The following ZNF75D variants were observed in gnomAD, a reference collection of about 807,000 sequenced individuals.
The protein encoded by ZNF75D is zinc finger protein 75.
ZNF75D carries 33 observed loss-of-function variants against 33.3 expected under a neutral mutation model. The observed-to-expected ratio is 0.99, with a 90% CI of 0.75 to 1.32. ZNF75D has a LOEUF of 1.32. ZNF75D is among the 40% of genes most tolerant of loss of function. The probability of loss-of-function intolerance (pLI) is 0.00; values close to 1 mark genes in which losing one functional copy is unlikely to be tolerated. For synonymous variants in ZNF75D, 113 were observed against 130.6 expected (o/e 0.87, Z 0.92); for missense variants, 338 against 367.5 (o/e 0.92, Z 0.66).
At chrX:135,334,059 A>G (rs191230366) in intron 1 of ZNF75D, among the ~76,000 whole-genome samples, 188 of 112,341 alleles carry the variant, frequency 1.7e-3, no homozygotes, top group African/African-American at 5.9e-3. Context: ...TGGACAGGAA[A>G]CAATTGGTCA....
Position 135,293,935 on chromosome X carries a change from T to C in ZNF75D, c.206A>G (p.Gln69Arg). Reference protein sequence around the residue: ...EATGPLETISQLQKLCHQWLR... With the variant: ...EATGPLETISRLQKLCHQWLR... Reference sequence around the variant, plus strand: ...CCACTGATGGCACAATTTCTGAAGTTGGCTGATAGTCTCAAGCGGTCCGGT... The same window carrying C: ...CCACTGATGGCACAATTTCTGAAGTCGGCTGATAGTCTCAAGCGGTCCGGT... The change falls in exon 3 of 7, where the codon CAA becomes CGA. Residue 69 changes from glutamine to arginine, a missense_variant. By Grantham distance (43) the Gln-to-Arg change is conservative. Transcript: ENST00000370766. 1.1e-5 allele frequency: 13 copies of C among 1,211,154 alleles called. No homozygotes were observed. The highest frequency in any genetic ancestry group is 1.5e-5 in the Non-Finnish European group (13 of 894,887).
At chrX:135,290,174 G>A (rs949415434) in intron 6 of ZNF75D, among the ~76,000 whole-genome samples, 2 of 111,779 alleles carry the variant, frequency 1.8e-5, no homozygotes, top group African/African-American at 6.5e-5. Context: ...TGGGGGCATT[G>A]GTAAAACTTA....
chrX:135,290,044 A>C (rs1294179806), intron 6 of ZNF75D, among the ~76,000 whole-genome samples: 2 of 112,216 alleles, frequency 1.8e-5, no homozygotes, highest in African/African-American at 6.5e-5. Context: ...CAAACCAGAG[A>C]ATAAGCCATT....
intron 1 of ZNF75D, among the ~76,000 whole-genome samples, chrX:135,324,023 A>G (rs1424007931): frequency 9.5e-6 from 1 of 105,225 alleles, no homozygotes; most frequent in African/African-American, 3.5e-5. Context: ...ACACACACAC[A>G]CGCACACCCA....
intron 1 of ZNF75D, 33 bp from the exon 2 acceptor site, chrX:135,296,072 C>T (rs2148474182): frequency 9.0e-6 from 1 of 111,160 alleles, no homozygotes; most frequent in East Asian, 2.9e-4. Flanking sequence ...ATGAAAGATG[C>T]ATTTCCGGTG....
chrX:135,288,507 C>T (rs1375021122), intron 6 of ZNF75D, among the ~76,000 whole-genome samples: 5 of 112,425 alleles, frequency 4.4e-5, no homozygotes, highest in African/African-American at 1.6e-4. Context: ...TTTATTACAA[C>T]TGGACAGCTC....
At chrX:135,309,560 G>A (rs1320510995) in intron 1 of ZNF75D, 5 of 295,154 alleles carry the variant, frequency 1.7e-5, no homozygotes, top group Non-Finnish European at 2.9e-5. Context: ...TCAAATGCAA[G>A]AAGCCCACCA....
At chrX:135,317,488 G>C (rs1404078999) in intron 1 of ZNF75D, among the ~76,000 whole-genome samples, 1 of 111,377 alleles carries the variant, frequency 9.0e-6, no homozygotes, top group African/African-American at 3.3e-5. Context: ...GGCATATATG[G>C]ATCAGGCAAG....
chrX:135,322,944 C>A (rs1227868955), intron 1 of ZNF75D, among the ~76,000 whole-genome samples: 2 of 112,262 alleles, frequency 1.8e-5, no homozygotes, highest in Non-Finnish European at 3.8e-5. Context: ...TATAGCTGTA[C>A]TTTGGACCCC....
downstream of ZNF75D, among the ~76,000 whole-genome samples, chrX:135,285,067 G>A (rs1283699993): frequency 9.0e-6 from 1 of 111,581 alleles, no homozygotes; most frequent in Non-Finnish European, 1.9e-5. Flanking sequence ...CATTCTAGGA[G>A]GAGGGGTGGT....
rs2084092062 is a variant in ZNF75D, at chrX:135,294,248, T to A, written c.-108A>T. ...TGGTACCAAATCAATGAATTGTTCT[T>A]CCCAAGAGCACTGAGGGAGAGCAGA... is the stretch of plus-strand genomic sequence containing the variant. On this transcript the variant is annotated 5_prime_UTR_variant, in exon 3 of 7. Transcript: ENST00000370766. The A allele has an allele frequency of 1.6e-6, 1 of 642,953 alleles. No homozygotes were observed. The highest frequency in any genetic ancestry group is 3.4e-5 in the Admixed American group (1 of 29,601). The allele number at this position is 642,953 out of a possible 1,213,427, so 53.0% of individuals were successfully genotyped here. A position where few individuals can be genotyped will look rare whatever the true frequency, so the allele number is the denominator to read the frequency against.
intron 1 of ZNF75D, among the ~76,000 whole-genome samples, chrX:135,257,729 C>T (rs2083812222): frequency 8.9e-6 from 1 of 112,292 alleles, no homozygotes; most frequent in African/African-American, 3.2e-5. Flanking sequence ...GCACAGAGCA[C>T]CATACTCCAT....
intron 1 of ZNF75D, among the ~76,000 whole-genome samples, chrX:135,276,863 G>A (rs782641299): frequency 8.9e-6 from 1 of 112,071 alleles, no homozygotes; most frequent in East Asian, 2.8e-4. Context: ...TGGTGTATAT[G>A]TGTCACTTTT....
intron 1 of ZNF75D, among the ~76,000 whole-genome samples, chrX:135,274,644 T>C (rs1434241102): frequency 8.9e-6 from 1 of 112,361 alleles, no homozygotes; most frequent in Non-Finnish European, 1.9e-5. Flanking sequence ...CTTTAAAAGA[T>C]AGTGTCTAAT....
chrX:135,329,027 G>A (rs1443484018), intron 1 of ZNF75D, among the ~76,000 whole-genome samples: 1 of 111,539 alleles, frequency 9.0e-6, no homozygotes, highest in Non-Finnish European at 1.9e-5. Context: ...GCTTTTTTGT[G>A]GAAATACACT....
At chrX:135,262,142 G>C (rs2083845086) in intron 1 of ZNF75D, among the ~76,000 whole-genome samples, 1 of 112,169 alleles carries the variant, frequency 8.9e-6, no homozygotes, top group Admixed American at 9.4e-5. Flanking sequence ...CTGGCTTGTA[G>C]GGTTTCTTCC....
intron 1 of ZNF75D, among the ~76,000 whole-genome samples, chrX:135,340,454 A>G (rs781804122): frequency 2.7e-5 from 3 of 112,517 alleles, no homozygotes; most frequent in Non-Finnish European, 5.6e-5. Flanking sequence ...AGCCTGTGAC[A>G]GCTGATAAGC....
chrX:135,325,400 T>G (rs2084550804), intron 1 of ZNF75D, among the ~76,000 whole-genome samples: 2 of 110,849 alleles, frequency 1.8e-5, no homozygotes, highest in South Asian at 3.8e-4. Flanking sequence ...TGGGAGCCCC[T>G]TTCTGGGCTG....
chrX:135,281,312 C>T (rs1302504940), downstream of ZNF75D, among the ~76,000 whole-genome samples: 1 of 109,423 alleles, frequency 9.1e-6, no homozygotes, highest in Admixed American at 9.9e-5. Context: ...ATGAAGTTCT[C>T]GTGCTGTGTT....
Sources: gnomAD v4.1 joint callset for allele counts (sites outside exome capture counted in the v4.1 genomes callset) on GRCh38, gnomAD v4.1.1 for gene constraint, MANE v1.5 for transcripts, NCBI Gene and HGNC (gene_info 2026-07-23, HGNC 2026-07-21) for gene names.